The following THNSL1 variants were observed in gnomAD, a reference collection of about 807,000 sequenced individuals.
THNSL1 encodes the protein threonine synthase like 1, also known as threonine synthase-like 1.
Under a neutral mutation model 50.4 loss-of-function variants are expected in THNSL1, and 48 were observed. That is an observed-to-expected ratio of 0.95 (90% CI 0.76 to 1.21). THNSL1 has a LOEUF of 1.21. Among genes scored for constraint, THNSL1 ranks in the 50% most tolerant of loss-of-function variants. THNSL1 has a pLI of 0.00. For synonymous variants in THNSL1, 309 were observed against 306.1 expected (o/e 1.01, Z -0.10); for missense variants, 896 against 871.7 (o/e 1.03, Z -0.35).
At chr10:24,960,828 C>T in the THNSL1 span, among the ~76,000 whole-genome samples, 2 of 152,034 alleles carry the variant, frequency 1.3e-5, no homozygotes, top group African/African-American at 4.8e-5. Context: ...GGGCTCAAGC[C>T]ATCCTCCCGC....
At chr10:24,992,003 T>C in the THNSL1 span, among the ~76,000 whole-genome samples, 1 of 152,172 alleles carries the variant, frequency 6.6e-6, no homozygotes, top group Non-Finnish European at 1.5e-5. Flanking sequence ...AGCCCTATGG[T>C]ACACTCTGCG....
At chr10:25,022,562 A>G (rs1346189450) in intron 2 of THNSL1, among the ~76,000 whole-genome samples, 1 of 152,220 alleles carries the variant, frequency 6.6e-6, no homozygotes, top group Non-Finnish European at 1.5e-5. Flanking sequence ...AAGAAAGAAA[A>G]TGTCATACCT....
chr10:25,013,563 G>T (rs1202764918), upstream of THNSL1, among the ~76,000 whole-genome samples: 1 of 152,250 alleles, frequency 6.6e-6, no homozygotes, highest in East Asian at 1.9e-4. Context: ...TGGTTTCATG[G>T]ACTGTTCAGA....
At chr10:24,964,263 C>G in the THNSL1 span, among the ~76,000 whole-genome samples, 19 of 152,144 alleles carry the variant, frequency 1.2e-4, no homozygotes, top group African/African-American at 4.6e-4. Flanking sequence ...TTTATACTGA[C>G]CTCAGCTGTT....
the THNSL1 span, among the ~76,000 whole-genome samples, chr10:24,981,066 C>CT: frequency 1.3e-5 from 2 of 152,150 alleles, no homozygotes; most frequent in African/African-American, 4.8e-5. Context: ...AGTTTGACAA[C>CT]TGGGACAGAA....
chr10:24,955,569 T>C, the THNSL1 span, among the ~76,000 whole-genome samples: 1 of 152,126 alleles, frequency 6.6e-6, no homozygotes, highest in African/African-American at 2.4e-5. Context: ...CTGTAAGATA[T>C]TATTAACCTG....
chr10:24,976,479 CT>C, the THNSL1 span, among the ~76,000 whole-genome samples: 1 of 151,938 alleles, frequency 6.6e-6, no homozygotes, highest in Non-Finnish European at 1.5e-5. Flanking sequence ...ATAAAGCATT[CT>C]TTTTTCTTTT....
the THNSL1 span, among the ~76,000 whole-genome samples, chr10:24,978,456 C>G: frequency 3.3e-5 from 5 of 151,350 alleles, no homozygotes; most frequent in African/African-American, 7.3e-5. Context: ...TCTCTCCTCT[C>G]TCTCTCTTTC....
At chr10:24,962,445 A>G in the THNSL1 span, among the ~76,000 whole-genome samples, 1 of 152,246 alleles carries the variant, frequency 6.6e-6, no homozygotes, top group Non-Finnish European at 1.5e-5. Context: ...AAATCAATGA[A>G]TATACTTAAA....
the THNSL1 span, among the ~76,000 whole-genome samples, chr10:24,959,359 G>A: frequency 6.6e-6 from 1 of 152,328 alleles, no homozygotes; most frequent in Admixed American, 6.5e-5. Context: ...GCCAGGTTAT[G>A]GGTTGCATCT....
chr10:24,996,436 A>ATGTG, the THNSL1 span, among the ~76,000 whole-genome samples: 517 of 148,608 alleles, frequency 3.5e-3, 2 homozygotes, highest in African/African-American at 8.0e-3. Flanking sequence ...AAGATCATAT[A>ATGTG]TGTGTGTGTG....
At chr10:24,974,671 G>C in the THNSL1 span, among the ~76,000 whole-genome samples, 51 of 152,250 alleles carry the variant, frequency 3.3e-4, 2 homozygotes, top group South Asian at 0.01. Context: ...TCATCAGCTT[G>C]CTTGGTTAAT....
At chr10:24,978,370 CAT>C in the THNSL1 span, among the ~76,000 whole-genome samples, 29 of 151,820 alleles carry the variant, frequency 1.9e-4, no homozygotes, top group East Asian at 3.9e-4. Context: ...TAAAAGAACA[CAT>C]GTCATTCCTT....
rs1294783143 is a variant in THNSL1, at chr10:25,026,405, T to C, written c.*950T>C. ...ATGATCTATTTCAAGAGGAAGGTTT[T>C]CCAAAATTAAGAGTACTTGAGTAGT... is the stretch of plus-strand genomic sequence containing the variant. On this transcript the variant is annotated 3_prime_UTR_variant, in exon 3 of 3. Transcript: ENST00000376356. 3.6e-5 allele frequency: 6 copies of C among 167,062 alleles called. No individual in the cohort carries two copies. 10.3% of individuals were successfully genotyped at this position (167,062 alleles called of 1,614,324 possible).
chr10:25,020,180 T>G (rs1850688250), intron 1 of THNSL1, among the ~76,000 whole-genome samples: 1 of 151,876 alleles, frequency 6.6e-6, no homozygotes. Context: ...GGAACATGTT[T>G]GTGGGAAATA....
chr10:24,983,489 T>C, the THNSL1 span: 12 of 152,222 alleles, frequency 7.9e-5, no homozygotes, highest in Non-Finnish European at 1.6e-4. Context: ...TAGCCTACCC[T>C]AAATAGCAAC....
the THNSL1 span, among the ~76,000 whole-genome samples, chr10:24,972,507 C>CAAAAAAAAAAA: frequency 4.5e-5 from 6 of 133,152 alleles, no homozygotes; most frequent in African/African-American, 9.2e-5. Context: ...GACTCTGTCT[C>CAAAAAAAAAAA]AAAAAAAAAA....
the THNSL1 span, among the ~76,000 whole-genome samples, chr10:24,992,671 C>T: frequency 0.053 from 8,121 of 152,200 alleles, 598 homozygotes; most frequent in African/African-American, 0.16. Flanking sequence ...TCAAAGGGCA[C>T]GTGGCAAAAG....
chr10:24,992,007 C>A, the THNSL1 span, among the ~76,000 whole-genome samples: 1 of 152,208 alleles, frequency 6.6e-6, no homozygotes, highest in Non-Finnish European at 1.5e-5. Flanking sequence ...CTATGGTACA[C>A]TCTGCGAGGG....
Sources: gnomAD v4.1 joint callset for allele counts (sites outside exome capture counted in the v4.1 genomes callset) on GRCh38, gnomAD v4.1.1 for gene constraint, MANE v1.5 for transcripts, NCBI Gene and HGNC (gene_info 2026-07-23, HGNC 2026-07-21) for gene names.